SOX6: variants seen among roughly 807,000 people sequenced by gnomAD.
SOX6 encodes SRY-box transcription factor 6, also known as transcription factor SOX-6.
A neutral mutation model predicts 97.8 loss-of-function variants in SOX6; 11 were observed. That is an observed-to-expected ratio of 0.11 (90% CI 0.07 to 0.19). SOX6 has a LOEUF of 0.19. Ranked by LOEUF, SOX6 falls within the 10% of genes least tolerant of loss-of-function variation. SOX6 has a pLI of 1.00. For missense variants in SOX6, 810 were observed against 1,039.5 expected (o/e 0.78, Z 3.04); for synonymous variants, 360 against 371.4 (o/e 0.97, Z 0.35).
At chr11:16,145,101 A>G (rs1006354532) in intron 6 of SOX6, among the ~76,000 whole-genome samples, 9 of 152,240 alleles carry the variant, frequency 5.9e-5, no homozygotes, top group African/African-American at 1.9e-4. Flanking sequence ...AAAATCCTCA[A>G]TAAAATACTG....
rs531427031 is a variant in SOX6 at position 16,182,254 on chromosome 11, CAAGT to C, written c.777+1628_777+1631del. 3.3e-5 allele frequency among the ~76,000 whole-genome samples: 5 copies of C among 151,076 alleles called. No homozygotes were observed. The South Asian group carries it at 1.0e-3, about 31-fold the overall frequency. The stretch of plus-strand genomic sequence containing the variant: ...GTAAAATATATTAGAAAAGAATAAA[CAAGT>C]AAGTTATAAAGCAGTAGTAAAAACA... On this transcript the variant is annotated intron_variant, in intron 6 of 15. Transcript: ENST00000683767.
intron 6 of SOX6, among the ~76,000 whole-genome samples, chr11:16,147,466 C>T (rs1850340471): frequency 6.6e-6 from 1 of 151,784 alleles, no homozygotes; most frequent in Admixed American, 6.6e-5. Context: ...CAAACCTGCA[C>T]GTTGTGCACA....
At chr11:16,306,217 G>T (rs1352248450) in intron 3 of SOX6, among the ~76,000 whole-genome samples, 2 of 152,130 alleles carry the variant, frequency 1.3e-5, no homozygotes, top group Non-Finnish European at 2.9e-5. Flanking sequence ...ACCGCTGGGG[G>T]AAACCGGGCA....
At chr11:16,126,183 A>C (rs1346387982) in intron 6 of SOX6, among the ~76,000 whole-genome samples, 1 of 152,122 alleles carries the variant, frequency 6.6e-6, no homozygotes, top group Non-Finnish European at 1.5e-5. Context: ...CCAAGAATGT[A>C]GTTACAGATC....
At chr11:16,478,393 A>G (rs1860290650), upstream of SOX6, among the ~76,000 whole-genome samples, 1 of 152,228 alleles carries the variant, frequency 6.6e-6, no homozygotes, top group African/African-American at 2.4e-5. Flanking sequence ...TCAATGAACT[A>G]TCTTGAATTA....
chr11:16,209,802 A>G (rs1416174743), intron 4 of SOX6, among the ~76,000 whole-genome samples: 1 of 152,138 alleles, frequency 6.6e-6, no homozygotes, highest in African/African-American at 2.4e-5. Context: ...AAATAAATAC[A>G]TTTTTGAATA....
intron 4 of SOX6, among the ~76,000 whole-genome samples, chr11:16,233,964 G>A (rs1232685826): frequency 8.2e-5 from 12 of 145,598 alleles, no homozygotes; most frequent in Admixed American, 6.3e-4. Flanking sequence ...CTGAGATCAC[G>A]CCACTGCACT....
chr11:16,303,556 A>C (rs1855330244), intron 3 of SOX6, among the ~76,000 whole-genome samples: 1 of 152,182 alleles, frequency 6.6e-6, no homozygotes, highest in Admixed American at 6.5e-5. Flanking sequence ...GGGTAGAATA[A>C]TTCCTAACAC....
At chr11:16,602,546 C>T (rs1848283220) in intron 4 of SOX6, among the ~76,000 whole-genome samples, 2 of 152,120 alleles carry the variant, frequency 1.3e-5, no homozygotes, top group South Asian at 2.1e-4. Flanking sequence ...TGCCCATGTG[C>T]TCACATATGT....
intron 13 of SOX6, among the ~76,000 whole-genome samples, chr11:16,011,939 T>A (rs1854742969): frequency 6.6e-6 from 1 of 152,088 alleles, no homozygotes; most frequent in African/African-American, 2.4e-5. Context: ...CTTTTCTCCA[T>A]GATAATTATG....
chr11:16,347,371 A>G (rs1856798474), intron 1 of SOX6, among the ~76,000 whole-genome samples: 1 of 152,136 alleles, frequency 6.6e-6, no homozygotes, highest in African/African-American at 2.4e-5. Context: ...AGCCAGGCCC[A>G]GATTTTATAA....
intron 1 of SOX6, among the ~76,000 whole-genome samples, chr11:16,468,976 G>C (rs1860092170): frequency 6.6e-6 from 1 of 151,800 alleles, no homozygotes; most frequent in Non-Finnish European, 1.5e-5. Context: ...GACTATCACT[G>C]ATAATTGAGC....
intron 4 of SOX6, among the ~76,000 whole-genome samples, chr11:16,570,803 C>G (rs1027391486): frequency 6.6e-5 from 10 of 152,102 alleles, no homozygotes; most frequent in African/African-American, 2.4e-4. Flanking sequence ...TTTTAGCCAG[C>G]TAATTACTAA....
At chr11:16,436,277 C>T (rs959090447) in intron 1 of SOX6, among the ~76,000 whole-genome samples, 2 of 152,140 alleles carry the variant, frequency 1.3e-5, no homozygotes, top group African/African-American at 4.8e-5. Context: ...TTTTGACTTC[C>T]ATGACATAAA....
chr11:16,372,148 A>G (rs1857508338), intron 1 of SOX6, among the ~76,000 whole-genome samples: 1 of 152,054 alleles, frequency 6.6e-6, no homozygotes, highest in East Asian at 1.9e-4. Flanking sequence ...TCAATAAATA[A>G]TTAGTTTATT....
chr11:16,274,139 A>G (rs1280470395), intron 3 of SOX6, among the ~76,000 whole-genome samples: 1 of 152,026 alleles, frequency 6.6e-6, no homozygotes, highest in Non-Finnish European at 1.5e-5. Flanking sequence ...AAGCCTCTTA[A>G]TTTTTCATAA....
At chr11:16,415,835 G>C (rs976199484) in intron 1 of SOX6, among the ~76,000 whole-genome samples, 7 of 152,088 alleles carry the variant, frequency 4.6e-5, no homozygotes, top group Non-Finnish European at 1.0e-4. Flanking sequence ...ACAGTAAAGA[G>C]AATCTTGAAG....
At chr11:16,486,053 A>C (rs2133128648) in intron 4 of SOX6, among the ~76,000 whole-genome samples, 1 of 150,444 alleles carries the variant, frequency 6.6e-6, no homozygotes, top group South Asian at 2.1e-4. Context: ...GGTATTTTAC[A>C]AAGGCAGCTT....
chr11:16,258,785 T>G (rs1853773543), intron 3 of SOX6, among the ~76,000 whole-genome samples: 1 of 151,612 alleles, frequency 6.6e-6, no homozygotes, highest in Non-Finnish European at 1.5e-5. Context: ...GAGATGTTGA[T>G]AATAGGGGAG....
Sources: gnomAD v4.1 joint callset for allele counts (sites outside exome capture counted in the v4.1 genomes callset) on GRCh38, gnomAD v4.1.1 for gene constraint, MANE v1.5 for transcripts, NCBI Gene and HGNC (gene_info 2026-07-23, HGNC 2026-07-21) for gene names.